LIFR: variants seen among roughly 807,000 people sequenced by gnomAD.
LIFR encodes the protein LIF receptor subunit alpha, also known as leukemia inhibitory factor receptor.
In LIFR, 84 loss-of-function variants were observed where a neutral mutation model predicts 122.2. The ratio of observed to expected loss-of-function variants is 0.69; its 90% CI spans 0.58 to 0.82. LIFR has a LOEUF of 0.82. Among genes scored for constraint, LIFR ranks in the 40% least tolerant of loss-of-function variants. The pLI, the probability that LIFR is intolerant of heterozygous loss-of-function variation, is 0.00. For synonymous variants in LIFR, 422 were observed against 434.7 expected (o/e 0.97, Z 0.36); for missense variants, 1,294 against 1,311.6 (o/e 0.99, Z 0.21).
rs147478506 is a variant in LIFR at position 38,484,677 on chromosome 5, CA to C, written c.2591+97del. On this transcript the variant is annotated intron_variant, in intron 18 of 19. Coordinates refer to ENST00000453190, the MANE Select transcript of LIFR (RefSeq NM_001127671.2). ...ACATTTTTTAACTAACTTATTACAA[CA>C]AAAAAGATACACTTATTTAATACAT... is the stretch of plus-strand genomic sequence containing the variant. 1,959 of 797,172 alleles carry C rather than the reference CA, an allele frequency of 2.5e-3. 25 individuals are homozygous for C. The African/African-American group carries it at 0.025, about 10-fold the overall frequency. 49.4% of individuals were successfully genotyped at this position (797,172 alleles called of 1,614,324 possible). A position where few individuals can be genotyped will look rare whatever the true frequency, so the allele number is the denominator to read the frequency against.
At chr5:38,510,145 G>A (rs1201614771) in intron 7 of LIFR, among the ~76,000 whole-genome samples, 26 of 152,086 alleles carry the variant, frequency 1.7e-4, no homozygotes, top group Non-Finnish European at 8.8e-5. Flanking sequence ...AAACAATGCA[G>A]GGTTAAGAAA....
intron 6 of LIFR, among the ~76,000 whole-genome samples, chr5:38,511,390 T>C (rs994479042): frequency 1.9e-4 from 29 of 152,272 alleles, no homozygotes; most frequent in Middle Eastern, 3.4e-3. Flanking sequence ...CTTTTTGGTA[T>C]GCTTGCAGAT....
intron 17 of LIFR, 42 bp downstream of exon 17, chr5:38,485,777 C>A: frequency 6.2e-7 from 1 of 1,604,858 alleles, no homozygotes; most frequent in South Asian, 1.1e-5. Flanking sequence ...GAACACTACG[C>A]ATGCAGGATG....
At chr5:38,591,128 C>T (rs751060826) in intron 1 of LIFR, among the ~76,000 whole-genome samples, 9 of 152,224 alleles carry the variant, frequency 5.9e-5, no homozygotes, top group Non-Finnish European at 1.3e-4. Flanking sequence ...ACAACCCTAT[C>T]CCTATTTTGT....
chr5:38,489,065 T>C lies in LIFR; in HGVS notation c.2335+13A>G. On this transcript the variant is annotated intron_variant, in intron 16 of 19. Coordinates refer to ENST00000453190, the MANE Select transcript of LIFR (RefSeq NM_001127671.2). ...TCTAAGAAACACTTTCCTTGTGCTA[T>C]CAATTTACTCACCTGATTCTAAAAC... 1 of 1,607,988 alleles carries C rather than the reference T, an allele frequency of 6.2e-7. No individual in the cohort carries two copies. Among genetic ancestry groups the C allele is most frequent in the South Asian group, 1.1e-5 (1 of 90,932 alleles).
chr5:38,517,925 T>C (rs1210265664), intron 5 of LIFR, among the ~76,000 whole-genome samples: 2 of 104,492 alleles, frequency 1.9e-5, no homozygotes, highest in Admixed American at 2.2e-4. Context: ...GGCAAAAAAG[T>C]GAGACCCCAT....
chr5:38,508,024 T>C lies in LIFR; in HGVS notation c.992-1392A>G, dbSNP rs554690190. Among the ~76,000 whole-genome samples the C allele has an allele frequency of 3.9e-5, 6 of 152,222 alleles. No individual in the cohort carries two copies. The East Asian group carries it at 5.8e-4, about 15-fold the overall frequency. ...CTATTAAAACCACATACCAAAAATA[T>C]GGAATATATTTAAAATGCTGGTTAT... On this transcript the variant is annotated intron_variant, in intron 7 of 19. Transcript: ENST00000453190.
At chr5:38,527,451 T>C (rs1042020875) in intron 3 of LIFR, among the ~76,000 whole-genome samples, 157 bp from the exon 4 acceptor site, 5 of 152,186 alleles carry the variant, frequency 3.3e-5, no homozygotes, top group African/African-American at 1.2e-4. Context: ...AAAAAACAGA[T>C]TGATAGTAAC....
At chr5:38,551,392 TACA>T (rs1275436920) in intron 1 of LIFR, among the ~76,000 whole-genome samples, 1 of 152,210 alleles carries the variant, frequency 6.6e-6, no homozygotes, top group Non-Finnish European at 1.5e-5. Context: ...ACTCGACAGG[TACA>T]ACAATTCTGC....
chr5:38,492,486 G>A (rs1309029890), intron 14 of LIFR, among the ~76,000 whole-genome samples: 1 of 152,210 alleles, frequency 6.6e-6, no homozygotes, highest in African/African-American at 2.4e-5. Flanking sequence ...TGCAGGAAAA[G>A]AAGGGTAGCA....
intron 1 of LIFR, among the ~76,000 whole-genome samples, chr5:38,581,384 C>T (rs1467817477): frequency 1.3e-5 from 2 of 152,182 alleles, no homozygotes; most frequent in African/African-American, 4.8e-5. Flanking sequence ...AACGCGGAGT[C>T]TACACTCTCA....
rs746076551 is a variant in LIFR, at chr5:38,493,574, GA to G, written c.2065+31del. ...TGTTGCCTTTTAAAAATATTTTGTA[GA>G]ACTTAATTGAGAGACACTAATTCAT... On this transcript the variant is annotated intron_variant, in intron 14 of 19. Transcript: ENST00000453190. 7 of 1,593,620 alleles carry G rather than the reference GA, an allele frequency of 4.4e-6. No homozygotes were observed. The East Asian group carries it at 1.6e-4, about 36-fold the overall frequency.
intron 1 of LIFR, among the ~76,000 whole-genome samples, chr5:38,545,623 G>A (rs1240484706): frequency 6.6e-6 from 1 of 152,034 alleles, no homozygotes; most frequent in African/African-American, 2.4e-5. Flanking sequence ...AGCACTTTGG[G>A]AGGCCGAGGT....
chr5:38,535,392 C>T lies in LIFR; in HGVS notation c.-19-4726G>A, dbSNP rs544642579. On this transcript the variant is annotated intron_variant, in intron 1 of 19. Transcript: ENST00000453190. ...CACAACACTTTAATTATATTTATGTCATGGGGTTGCACAATTCATGTTCCA... is the reference window on the plus strand; with the variant it reads ...CACAACACTTTAATTATATTTATGTTATGGGGTTGCACAATTCATGTTCCA... Among the ~76,000 whole-genome samples, 297 of 152,254 alleles carry T rather than the reference C, an allele frequency of 2.0e-3. 2 individuals are homozygous for T. Among genetic ancestry groups the T allele is most frequent in the Non-Finnish European group, 3.1e-3 (214 of 68,020 alleles).
chr5:38,530,763 TGAAACACTGTAC>T, intron 1 of LIFR, 97 bp from the exon 2 acceptor site: 9 of 1,083,720 alleles, frequency 8.3e-6, no homozygotes, highest in East Asian at 2.4e-5. Context: ...TGACAGATTC[TGAAACACTGTAC>T]ATTTAGAGAC....
chr5:38,582,058 CTT>C (rs35430300), intron 1 of LIFR, among the ~76,000 whole-genome samples: 32 of 145,282 alleles, frequency 2.2e-4, no homozygotes, highest in East Asian at 1.6e-3. Context: ...TTTTTTTTTC[CTT>C]TTTTTTTTTT....
At chr5:38,607,276 A>G (rs963737565) in intron 1 of LIFR, among the ~76,000 whole-genome samples, 7 of 152,208 alleles carry the variant, frequency 4.6e-5, no homozygotes, top group Non-Finnish European at 1.0e-4. Context: ...ATGTATAACC[A>G]GAGCCTGTGG....
At chr5:38,537,396 T>TA (rs1185393359) in intron 1 of LIFR, among the ~76,000 whole-genome samples, 1 of 152,178 alleles carries the variant, frequency 6.6e-6, no homozygotes, top group Non-Finnish European at 1.5e-5. Context: ...TATCATACTT[T>TA]AGAGTAACAT....
intron 13 of LIFR, among the ~76,000 whole-genome samples, chr5:38,495,341 C>G (rs1195917609): frequency 6.6e-6 from 1 of 152,212 alleles, no homozygotes; most frequent in Non-Finnish European, 1.5e-5. Flanking sequence ...GTTCACATCT[C>G]TGTCTCCTTC....
Sources: allele counts gnomAD v4.1 joint callset (sites outside exome capture counted in the v4.1 genomes callset), GRCh38; gene constraint gnomAD v4.1.1; transcripts MANE v1.5; gene names NCBI Gene and HGNC (gene_info 2026-07-23, HGNC 2026-07-21).